Variants in ABLIM2 observed in about 807,000 individuals in gnomAD.
ABLIM2 encodes the protein actin binding LIM protein family member 2, also known as actin-binding LIM protein 2.
A neutral mutation model predicts 97.7 loss-of-function variants in ABLIM2; 53 were observed. That is an observed-to-expected ratio of 0.54 (90% CI 0.44 to 0.68). The LOEUF (loss-of-function observed/expected upper bound fraction) is 0.68. Ranked by LOEUF, ABLIM2 falls within the 30% of genes least tolerant of loss-of-function variation. ABLIM2 has a pLI of 0.00. For missense variants in ABLIM2, 835 were observed against 867.2 expected, an observed-to-expected ratio of 0.96 and a Z score of 0.47; for synonymous variants, 361 against 345.8, an observed-to-expected ratio of 1.04 and a Z score of -0.49.
intron 3 of ABLIM2, 35 bp from the exon 4 acceptor site, chr4:8,088,319 C>T (rs1303419303): frequency 3.9e-6 from 6 of 1,554,826 alleles, no homozygotes; most frequent in African/African-American, 2.7e-5. Context: ...GCCAGGCCCA[C>T]CTTCTGGCTC....
Position 8,122,093 on chromosome 4 carries a change from T to C in ABLIM2, c.11-15456A>G, listed in dbSNP as rs560935778. ...CAGGGACCTGGCAGGCTAGGGGACC[T>C]GACAATATGCCCCCAAGCATATACT... is the stretch of plus-strand genomic sequence containing the variant. On this transcript the variant is annotated intron_variant, in intron 1 of 20. Coordinates refer to ENST00000447017, the MANE Select transcript of ABLIM2 (RefSeq NM_001130083.2). The surrounding 1 kb of genome is among the most constrained non-coding windows in gnomAD (Gnocchi z 4.1). Among the ~76,000 whole-genome samples, 1 of 152,306 alleles carries C rather than the reference T, an allele frequency of 6.6e-6. No homozygotes were observed. The highest frequency in any genetic ancestry group is 2.4e-5 in the African/African-American group (1 of 41,570).
chr4:8,041,998 C>T (rs2151644230), intron 9 of ABLIM2, among the ~76,000 whole-genome samples: 1 of 152,336 alleles, frequency 6.6e-6, no homozygotes, highest in Admixed American at 6.5e-5. Context: ...GCAACAGCAA[C>T]AGCTACCACG....
rs1394633389 is a variant in ABLIM2 at position 8,046,758 on chromosome 4, G to A, written c.823-1517C>T. Among the ~76,000 whole-genome samples, 1 of 152,206 alleles carries A rather than the reference G, an allele frequency of 6.6e-6. No homozygotes were observed. The highest frequency in any genetic ancestry group is 1.5e-5 in the Non-Finnish European group (1 of 68,042). On this transcript the variant is annotated intron_variant, in intron 8 of 20. Coordinates refer to ENST00000447017, the MANE Select transcript of ABLIM2 (RefSeq NM_001130083.2). This position sits in a 1 kb window ranked among gnomAD's most constrained non-coding sequence, Gnocchi z 4.4. ...ACCTCAGAATGTGGCTGTATTTGGA[G>A]ACAGGGTTTTTAAAAGGTCACTAGG... is the stretch of plus-strand genomic sequence containing the variant.
At chr4:8,152,225 C>T (rs569714993) in intron 1 of ABLIM2, among the ~76,000 whole-genome samples, 319 of 152,348 alleles carry the variant, frequency 2.1e-3, no homozygotes, top group African/African-American at 7.1e-3. Context: ...GGCTAAAGCA[C>T]GCAGGCAGGG....
rs372788097 is a variant in ABLIM2, at chr4:7,992,828, C to T, written c.1680+38G>A. The T allele has an allele frequency of 9.4e-5, 150 of 1,600,198 alleles. No individual in the cohort carries two copies. In the East Asian group the frequency reaches 2.6e-3, roughly 28 times the overall value. ...GAAACGTGCTCAGCCTCACAGCAAT[C>T]GTTAGTACCCTGTGGCCAGGGAGGG... On this transcript the variant is annotated intron_variant, in intron 17 of 20. Coordinates refer to ENST00000447017, the MANE Select transcript of ABLIM2 (RefSeq NM_001130083.2). This position sits in a 1 kb window ranked among gnomAD's most constrained non-coding sequence, Gnocchi z 5.7.
chr4:8,007,765 A>G, intron 16 of ABLIM2: 1 of 1,173,450 alleles, frequency 8.5e-7, no homozygotes, highest in Non-Finnish European at 1.1e-6. Context: ...CTTTCTCCTA[A>G]ACAGCCCAGG....
intron 7 of ABLIM2, among the ~76,000 whole-genome samples, chr4:8,055,841 G>A (rs1022083133): frequency 4.6e-5 from 7 of 152,070 alleles, no homozygotes; most frequent in South Asian, 4.2e-4. Flanking sequence ...GGCTGGGCGC[G>A]GTGGCTCACG....
chr4:8,154,389 C>T (rs779726411), intron 1 of ABLIM2, among the ~76,000 whole-genome samples: 7 of 149,154 alleles, frequency 4.7e-5, no homozygotes, highest in Non-Finnish European at 1.0e-4. Flanking sequence ...TCAAGCGATT[C>T]TCCTGCCTCA....
Position 8,072,190 on chromosome 4 carries a change from C to T in ABLIM2, c.675+5438G>A, listed in dbSNP as rs1812688006. ...GAAAAAACCCAGACCTGTTTTGCTCCTGTTCCTCGAATTAGGATGGTTCCT... is the reference window on the plus strand; with the variant it reads ...GAAAAAACCCAGACCTGTTTTGCTCTTGTTCCTCGAATTAGGATGGTTCCT... On this transcript the variant is annotated intron_variant, in intron 6 of 20. Coordinates refer to ENST00000447017, the MANE Select transcript of ABLIM2 (RefSeq NM_001130083.2). The surrounding 1 kb of genome is among the most constrained non-coding windows in gnomAD (Gnocchi z 5.8). Among the ~76,000 whole-genome samples the T allele has an allele frequency of 6.6e-6, 1 of 152,256 alleles. No homozygotes were observed.
chr4:8,045,555 A>G (rs959566660), intron 8 of ABLIM2, among the ~76,000 whole-genome samples: 5 of 152,202 alleles, frequency 3.3e-5, no homozygotes, highest in African/African-American at 7.2e-5. Flanking sequence ...AGGCTGAGGC[A>G]GGAGAATCGC....
chr4:8,050,251 T>C (rs1795107755), intron 8 of ABLIM2, among the ~76,000 whole-genome samples: 1 of 152,186 alleles, frequency 6.6e-6, no homozygotes, highest in South Asian at 2.1e-4. Context: ...AATGAATCTC[T>C]TCCAGTATTT....
chr4:8,077,785 C>A (rs1249968005), intron 5 of ABLIM2, 64 bp from the exon 6 acceptor site: 2 of 1,386,434 alleles, frequency 1.4e-6, no homozygotes, highest in South Asian at 1.3e-5. Flanking sequence ...GATCTAACAA[C>A]CCTCACCAAC....
intron 8 of ABLIM2, among the ~76,000 whole-genome samples, chr4:8,048,212 G>C (rs1793800247): frequency 6.6e-6 from 1 of 152,228 alleles, no homozygotes; most frequent in African/African-American, 2.4e-5. Flanking sequence ...TCCCCAGTGG[G>C]AGGAGGCTGG....
chr4:7,974,141 C>G (rs933576868), intron 20 of ABLIM2, among the ~76,000 whole-genome samples: 1 of 152,180 alleles, frequency 6.6e-6, no homozygotes, highest in Admixed American at 6.6e-5. Context: ...AAATAAATTT[C>G]TTAGTATATG....
intron 16 of ABLIM2, among the ~76,000 whole-genome samples, chr4:7,995,599 G>C (rs1303525435): frequency 1.3e-5 from 2 of 152,238 alleles, no homozygotes; most frequent in African/African-American, 4.8e-5. Flanking sequence ...AAGCCTGTGG[G>C]AGGAGCCTCA....
At chr4:8,050,656 T>C (rs1024078389) in intron 8 of ABLIM2, among the ~76,000 whole-genome samples, 9 of 152,128 alleles carry the variant, frequency 5.9e-5, no homozygotes, top group African/African-American at 2.2e-4. Context: ...GCATATTCTC[T>C]CCTTAACTGG....
At position 8,001,893 on chromosome 4, in the gene ABLIM2, C is replaced by A. The variant is rs1435882069; in HGVS notation, c.1618+6166G>T. ...CTCCTGCCCCCCGATGGCACCTTCC[C>A]ACCTGCCCGCTTGTCAGCACACACA... On this transcript the variant is annotated intron_variant, in intron 16 of 20. Coordinates refer to ENST00000447017, the MANE Select transcript of ABLIM2 (RefSeq NM_001130083.2). This position sits in a 1 kb window ranked among gnomAD's most constrained non-coding sequence, Gnocchi z 4.2. 6.6e-6 allele frequency among the ~76,000 whole-genome samples: 1 copy of A among 152,228 alleles called. No homozygotes were observed. The highest frequency in any genetic ancestry group is 2.4e-5 in the African/African-American group (1 of 41,460).
chr4:8,075,134 T>A lies in ABLIM2; in HGVS notation c.675+2494A>T, dbSNP rs1815169970. 6.6e-6 allele frequency among the ~76,000 whole-genome samples: 1 copy of A among 152,206 alleles called. No homozygotes were observed. The highest frequency in any genetic ancestry group is 2.4e-5 in the African/African-American group (1 of 41,438). On this transcript the variant is annotated intron_variant, in intron 6 of 20. Transcript: ENST00000447017. The surrounding 1 kb of genome is among the most constrained non-coding windows in gnomAD (Gnocchi z 4.4). ...ATGAAATATGATGCGAGAGTAAAGC[T>A]TATGTCCGAACGAACCTTGAAAACA...
chr4:8,020,846 C>CTTTTTTTTTTTTTTTTTTTTTTTT (rs34799650), intron 12 of ABLIM2: 1 of 94,722 alleles, frequency 1.1e-5, no homozygotes. Context: ...TTACCACATT[C>CTTTTTTTTTTTTTTTTTTTTTTTT]TTTTTTTTTT....
Sources: gnomAD v4.1 joint callset for allele counts (sites outside exome capture counted in the v4.1 genomes callset) on GRCh38, gnomAD v4.1.1 for gene constraint, Gnocchi (gnomAD v3.1) non-coding constraint, MANE v1.5 for transcripts, NCBI Gene and HGNC (gene_info 2026-07-23, HGNC 2026-07-21) for gene names.